Variants in PTPN5 observed in about 807,000 individuals in gnomAD.
PTPN5 encodes protein tyrosine phosphatase non-receptor type 5.
Under a neutral mutation model 73.9 loss-of-function variants are expected in PTPN5, and 29 were observed. The ratio of observed to expected loss-of-function variants is 0.39; its 90% confidence interval spans 0.29 to 0.54. PTPN5 has a LOEUF of 0.54. Ranked by LOEUF, PTPN5 falls within the 20% of genes least tolerant of loss-of-function variation. The pLI is 0.65. For missense variants in PTPN5, 652 were observed against 751.4 expected (o/e 0.87, Z 1.55); for synonymous variants, 267 against 304.7 (o/e 0.88, Z 1.29).
In PTPN5 at chr11:18,772,357, G is replaced by A. The variant is rs1020124875; in HGVS notation, c.-113-286C>T. On this transcript the variant is annotated intron_variant, in intron 1 of 14. Coordinates refer to ENST00000358540, the MANE Select transcript of PTPN5 (RefSeq NM_006906.2). ...CCAGACTGATGCGTGCAGCAAACTCGTGGAATGAATAGGCTCTGAGCCCAG... is the reference window on the plus strand; with the variant it reads ...CCAGACTGATGCGTGCAGCAAACTCATGGAATGAATAGGCTCTGAGCCCAG... Among the ~76,000 whole-genome samples the A allele has an allele frequency of 1.3e-5, 2 of 152,192 alleles. 1 individual carries two copies. Among genetic ancestry groups the A allele is most frequent in the South Asian group, 4.1e-4 (2 of 4,832 alleles).
intron 2 of PTPN5, among the ~76,000 whole-genome samples, chr11:18,767,288 A>T (rs114693550): frequency 3.3e-5 from 5 of 152,028 alleles, no homozygotes. Flanking sequence ...TCTCCCTCTG[A>T]TATCTTCTTT....
At position 18,729,153 on chromosome 11, in the gene PTPN5, C is replaced by T. The variant is rs574841414; in HGVS notation, c.1605-126G>A. ...CCCTGTGCGTCTTGGAGAGACCAAC[C>T]CTTGCCAACCATTACCCTCTGCCCC... is the stretch of plus-strand genomic sequence containing the variant. On this transcript the variant is annotated intron_variant, in intron 14 of 14. Transcript: ENST00000358540. This position sits in a 1 kb window ranked among gnomAD's most constrained non-coding sequence, Gnocchi z 5.2. 1 of 871,508 alleles carries T rather than the reference C, an allele frequency of 1.1e-6. No individual in the cohort carries two copies. Among genetic ancestry groups the T allele is most frequent in the Non-Finnish European group, 1.8e-6 (1 of 556,664 alleles). 54.0% of individuals were successfully genotyped at this position (871,508 alleles called of 1,614,324 possible).
At position 18,733,191 on chromosome 11, in the gene PTPN5, G is replaced by A. The variant is rs1203667289; in HGVS notation, c.1218+44C>T. ...TTTGAGAACAAGATACTTAGTGTAG[G>A]GCGCAATGTAGCAGACACTTAGAAT... On this transcript the variant is annotated intron_variant, in intron 11 of 14. Transcript: ENST00000358540. This position sits in a 1 kb window ranked among gnomAD's most constrained non-coding sequence, Gnocchi z 4.3. 1.3e-6 allele frequency: 2 copies of A among 1,590,978 alleles called. No homozygotes were observed. The highest frequency in any genetic ancestry group is 4.5e-5 in the East Asian group (2 of 44,276).
chr11:18,772,947 A>C (rs1053516807), intron 1 of PTPN5, among the ~76,000 whole-genome samples: 4 of 151,018 alleles, frequency 2.6e-5, no homozygotes, highest in Admixed American at 1.3e-4. Flanking sequence ...GTACCCAGGA[A>C]GGGCCATCTC....
At chr11:18,738,776 A>C (rs1346262891) in intron 8 of PTPN5, among the ~76,000 whole-genome samples, 3 of 151,900 alleles carry the variant, frequency 2.0e-5, no homozygotes, top group Non-Finnish European at 2.9e-5. Flanking sequence ...GTTTGAGACC[A>C]CCCTGGCCAA....
chr11:18,746,495 G>A (rs1242033681), intron 3 of PTPN5, among the ~76,000 whole-genome samples: 1 of 151,968 alleles, frequency 6.6e-6, no homozygotes, highest in Non-Finnish European at 1.5e-5. Flanking sequence ...CCCGGCAGCT[G>A]TTATAAATAT....
In PTPN5 at chr11:18,729,572, G is replaced by T; in HGVS notation, c.1491-6C>A. 6.3e-7 allele frequency: 1 copy of T among 1,582,646 alleles called. No individual in the cohort carries two copies. The highest frequency in any genetic ancestry group is 8.6e-7 in the Non-Finnish European group (1 of 1,162,890). On this transcript the variant is annotated splice_polypyrimidine_tract_variant and splice_region_variant and intron_variant, in intron 13 of 14. Coordinates refer to ENST00000358540, the MANE Select transcript of PTPN5 (RefSeq NM_006906.2). The surrounding 1 kb of genome is among the most constrained non-coding windows in gnomAD (Gnocchi z 5.2). ...CGGTCCTCCCAATCCCTGCACTGAGGGCCGAGGGGACCGGTGGGGTGAGGG... is the reference window on the plus strand; with the variant it reads ...CGGTCCTCCCAATCCCTGCACTGAGTGCCGAGGGGACCGGTGGGGTGAGGG...
intron 1 of PTPN5, among the ~76,000 whole-genome samples, chr11:18,785,680 C>T (rs796670967): frequency 3.2e-4 from 49 of 152,238 alleles, no homozygotes; most frequent in African/African-American, 1.0e-3. Flanking sequence ...AAATCCCTCC[C>T]GAAAGGCTTG....
At position 18,777,568 on chromosome 11, in the gene PTPN5, T is replaced by C. The variant is rs182482642; in HGVS notation, c.-113-5497A>G. 1.6e-3 allele frequency among the ~76,000 whole-genome samples: 247 copies of C among 152,354 alleles called. 2 individuals are homozygous for C. Among genetic ancestry groups the C allele is most frequent in the Middle Eastern group, 0.014 (4 of 294 alleles). ...TTGCGGAGTGCTGGTAAACCGGTTC[T>C]TAACTTTCTCTTTACTGGACCTGAA... On this transcript the variant is annotated intron_variant, in intron 1 of 14. Transcript: ENST00000358540.
At chr11:18,753,975 G>A (rs1405785667) in intron 3 of PTPN5, among the ~76,000 whole-genome samples, 2 of 152,084 alleles carry the variant, frequency 1.3e-5, no homozygotes, top group African/African-American at 4.8e-5. Context: ...ATTCTGCAAG[G>A]GCGCATGGCA....
In PTPN5 at chr11:18,744,058, T is replaced by G. The variant is rs1590518468; in HGVS notation, c.239A>C (p.His80Pro). 1 of 1,608,822 alleles carries G rather than the reference T, an allele frequency of 6.2e-7. No individual in the cohort carries two copies. Among genetic ancestry groups the G allele is most frequent in the Non-Finnish European group, 8.5e-7 (1 of 1,177,802 alleles). Residue 80 changes from histidine to proline, a missense_variant, in exon 4 of 15, where the codon CAC (histidine) becomes CCC (proline). By Grantham distance (77) the His-to-Pro change is moderately conservative (BLOSUM62 -2). Around this residue, in one of 3 missense-constraint regions of PTPN5, gnomAD observed 529 missense variants for 573.9 expected, o/e 0.92. Transcript: ENST00000358540. ...CAGGCTGCTCCTGACAGTGAGGGAG[T>G]GGCTCCCAGCGCCTCGAGGTGGTGG... ...QKPPPRGAGSHSLTVRSSLCL... is the reference protein window; with the variant it reads ...QKPPPRGAGSPSLTVRSSLCL...
At chr11:18,768,359 T>A (rs758708406) in intron 2 of PTPN5, among the ~76,000 whole-genome samples, 1 of 152,112 alleles carries the variant, frequency 6.6e-6, no homozygotes, top group Non-Finnish European at 1.5e-5. Context: ...TTATACTGAG[T>A]TGGTGGTGGC....
At chr11:18,759,618 TTTAA>T (rs1399134389) in intron 3 of PTPN5, among the ~76,000 whole-genome samples, 3 of 152,252 alleles carry the variant, frequency 2.0e-5, no homozygotes, top group Non-Finnish European at 2.9e-5. Flanking sequence ...TCGTTTATAC[TTTAA>T]TTATCCATTC....
chr11:18,775,386 G>A (rs1851099814), intron 1 of PTPN5, among the ~76,000 whole-genome samples: 1 of 152,206 alleles, frequency 6.6e-6, no homozygotes, highest in Admixed American at 6.5e-5. Flanking sequence ...CTAAGGCTCA[G>A]GGGGTGAAGT....
chr11:18,775,299 T>C (rs900884432), intron 1 of PTPN5, among the ~76,000 whole-genome samples: 6 of 152,228 alleles, frequency 3.9e-5, no homozygotes, highest in African/African-American at 7.2e-5. Context: ...TTGCTTTCTA[T>C]ATGTTCTTTT....
At chr11:18,737,248 T>C (rs1849154104) in intron 9 of PTPN5, among the ~76,000 whole-genome samples, 1 of 152,212 alleles carries the variant, frequency 6.6e-6, no homozygotes, top group African/African-American at 2.4e-5. Flanking sequence ...TCAGGTCACC[T>C]GGTCTAACTG....
chr11:18,762,994 G>A (rs61885162), intron 3 of PTPN5, among the ~76,000 whole-genome samples: 5,256 of 152,302 alleles, frequency 0.035, 133 homozygotes, highest in Non-Finnish European at 0.057. Context: ...AATCAGTAGT[G>A]ACAGAATGAA....
At chr11:18,738,325 T>C (rs1321740219) in intron 8 of PTPN5, among the ~76,000 whole-genome samples, 2 of 152,178 alleles carry the variant, frequency 1.3e-5, no homozygotes, top group Non-Finnish European at 2.9e-5. Flanking sequence ...TCTCGGGACC[T>C]AGGTTCGTGC....
chr11:18,791,355 C>T (rs1851916980), intron 1 of PTPN5, among the ~76,000 whole-genome samples, 170 bp downstream of exon 1: 1 of 152,216 alleles, frequency 6.6e-6, no homozygotes, highest in African/African-American at 2.4e-5. Flanking sequence ...GACCCCTCCC[C>T]CAGCATGCGG....
Sources: gnomAD v4.1 joint callset for allele counts (sites outside exome capture counted in the v4.1 genomes callset) on GRCh38, gnomAD v4.1.1 for gene constraint, gnomAD v4.1.1 regional missense constraint, Gnocchi (gnomAD v3.1) non-coding constraint, MANE v1.5 for transcripts, NCBI Gene and HGNC (gene_info 2026-07-23, HGNC 2026-07-21) for gene names.